NRG3: variants seen among roughly 807,000 people sequenced by gnomAD.
The protein encoded by NRG3 is pro-neuregulin-3, membrane-bound isoform.
A neutral mutation model predicts 66.9 loss-of-function variants in NRG3; 31 were observed. That is an observed-to-expected ratio of 0.46 (90% confidence interval 0.35 to 0.63). The LOEUF is 0.63. Among genes scored for constraint, NRG3 ranks in the 20% least tolerant of loss-of-function variants. The probability of loss-of-function intolerance (pLI) is 0.00; values close to 1 mark genes in which losing one functional copy is unlikely to be tolerated. For missense variants in NRG3, 910 were observed against 878.9 expected, an observed-to-expected ratio of 1.04 and a Z score of -0.45; for synonymous variants, 393 against 359.4, an observed-to-expected ratio of 1.09 and a Z score of -1.06.
intron 1 of NRG3, among the ~76,000 whole-genome samples, chr10:82,107,187 C>T (rs376133116): frequency 3.3e-5 from 5 of 152,292 alleles, no homozygotes; most frequent in African/African-American, 1.2e-4. Context: ...ATCTGAAAAT[C>T]CCTAATCCAA....
chr10:82,648,108 G>C (rs2051103738), intron 2 of NRG3, among the ~76,000 whole-genome samples: 1 of 151,454 alleles, frequency 6.6e-6, no homozygotes, highest in Admixed American at 6.6e-5. Flanking sequence ...GTACTGCCTA[G>C]GTTTTCTTCT....
chr10:82,909,009 G>A (rs767715969), intron 4 of NRG3, among the ~76,000 whole-genome samples: 6 of 152,330 alleles, frequency 3.9e-5, no homozygotes, highest in East Asian at 1.9e-4. Flanking sequence ...TGTAGCTCCC[G>A]TGGACCCCAT....
chr10:82,984,652 C>A, intron 8 of NRG3: 1 of 839,674 alleles, frequency 1.2e-6, no homozygotes, highest in Non-Finnish European at 1.9e-6. Context: ...CACAACAAGT[C>A]TACTGGACTA....
chr10:82,479,037 A>G (rs376634318), intron 2 of NRG3, among the ~76,000 whole-genome samples: 1 of 152,214 alleles, frequency 6.6e-6, no homozygotes, highest in Admixed American at 6.5e-5. Context: ...GTAAAGGTGA[A>G]GGATATCCAC....
At chr10:82,692,614 G>A (rs780752635) in intron 2 of NRG3, among the ~76,000 whole-genome samples, 1 of 152,174 alleles carries the variant, frequency 6.6e-6, no homozygotes, top group Non-Finnish European at 1.5e-5. Flanking sequence ...CAAAGAGGCC[G>A]AGCTCCTTCC....
At chr10:82,098,070 C>T (rs1281255335) in intron 1 of NRG3, among the ~76,000 whole-genome samples, 1 of 151,630 alleles carries the variant, frequency 6.6e-6, no homozygotes, top group Non-Finnish European at 1.5e-5. Flanking sequence ...CACACACACA[C>T]ACACACACAC....
chr10:82,395,982 A>T (rs879489527), intron 2 of NRG3, among the ~76,000 whole-genome samples: 2 of 152,248 alleles, frequency 1.3e-5, no homozygotes, highest in Admixed American at 1.3e-4. Context: ...TAAGAATTTA[A>T]GTATTTTATT....
At chr10:82,902,388 T>G (rs1564616919) in intron 4 of NRG3, among the ~76,000 whole-genome samples, 1 of 152,200 alleles carries the variant, frequency 6.6e-6, no homozygotes, top group Non-Finnish European at 1.5e-5. Context: ...TCTTTTTTTT[T>G]GAAAGGCATA....
intron 4 of NRG3, among the ~76,000 whole-genome samples, chr10:82,884,578 CTG>C (rs1465945175): frequency 1.3e-5 from 2 of 152,130 alleles, no homozygotes; most frequent in Non-Finnish European, 1.5e-5. Context: ...ACACAGAAAA[CTG>C]GTATTTCTGT....
intron 1 of NRG3, among the ~76,000 whole-genome samples, chr10:81,919,366 T>C (rs566523178): frequency 2.6e-4 from 39 of 152,340 alleles, no homozygotes; most frequent in African/African-American, 9.1e-4. Context: ...TAAACCTCTT[T>C]GAACGTCTCC....
At chr10:82,219,800 C>G (rs1032856086) in intron 1 of NRG3, among the ~76,000 whole-genome samples, 4 of 151,992 alleles carry the variant, frequency 2.6e-5, no homozygotes, top group Non-Finnish European at 5.9e-5. Flanking sequence ...AATGACTTTC[C>G]TTTTAATAGT....
At chr10:82,823,560 G>A (rs1240095297) in intron 3 of NRG3, among the ~76,000 whole-genome samples, 1 of 152,126 alleles carries the variant, frequency 6.6e-6, no homozygotes, top group Non-Finnish European at 1.5e-5. Context: ...CCCACTCCCA[G>A]TTAGGACTAA....
At chr10:82,228,906 T>A (rs1169834017) in intron 1 of NRG3, 1 of 152,226 alleles carries the variant, frequency 6.6e-6, no homozygotes, top group African/African-American at 2.4e-5. Flanking sequence ...GGAGGCTGAG[T>A]CAGGAGACAT....
intron 2 of NRG3, among the ~76,000 whole-genome samples, chr10:82,454,122 C>G (rs1273123715): frequency 6.6e-6 from 1 of 152,118 alleles, no homozygotes; most frequent in African/African-American, 2.4e-5. Flanking sequence ...AGATCAATTG[C>G]CAGATGGAAG....
chr10:82,487,904 A>G (rs1481362781), intron 2 of NRG3, among the ~76,000 whole-genome samples: 1 of 152,188 alleles, frequency 6.6e-6, no homozygotes, highest in African/African-American at 2.4e-5. Context: ...TTGGGCTTAC[A>G]ATGATTAAAG....
intron 2 of NRG3, among the ~76,000 whole-genome samples, chr10:82,563,936 G>T (rs1224906176): frequency 6.6e-6 from 1 of 152,036 alleles, no homozygotes; most frequent in East Asian, 1.9e-4. Context: ...TATATTCAAA[G>T]AGAGATCATA....
chr10:82,148,506 T>C (rs183814710), intron 1 of NRG3, among the ~76,000 whole-genome samples: 1 of 152,036 alleles, frequency 6.6e-6, no homozygotes, highest in Non-Finnish European at 1.5e-5. Flanking sequence ...ATATCTTGTC[T>C]TATTTTTTTT....
intron 2 of NRG3, among the ~76,000 whole-genome samples, chr10:82,712,830 G>GAGT (rs1565229727): frequency 1.3e-5 from 2 of 152,114 alleles, no homozygotes; most frequent in Admixed American, 6.6e-5. Context: ...ATAGTGGCTG[G>GAGT]AGTAGTGTGG....
chr10:82,917,560 T>G (rs1845960220), intron 4 of NRG3, among the ~76,000 whole-genome samples: 1 of 152,168 alleles, frequency 6.6e-6, no homozygotes, highest in Non-Finnish European at 1.5e-5. Flanking sequence ...ATTTTATTTT[T>G]CTGGTGCCTG....
Sources: allele counts gnomAD v4.1 joint callset (sites outside exome capture counted in the v4.1 genomes callset), GRCh38; gene constraint gnomAD v4.1.1; transcripts MANE v1.5; gene names NCBI Gene and HGNC (gene_info 2026-07-23, HGNC 2026-07-21).